MTMR3: variants seen among roughly 807,000 people sequenced by gnomAD.
MTMR3 encodes myotubularin related protein 3, also known as phosphatidylinositol-3,5-bisphosphate 3-phosphatase MTMR3.
In MTMR3, 32 loss-of-function variants were observed where a neutral mutation model predicts 132.4. The ratio of observed to expected loss-of-function variants is 0.24; its 90% confidence interval spans 0.18 to 0.32. MTMR3 has a LOEUF of 0.32. Ranked by LOEUF, MTMR3 falls within the 10% of genes least tolerant of loss-of-function variation. The pLI is 1.00. For missense variants in MTMR3, 1,216 were observed against 1,489.6 expected (o/e 0.82, Z 3.02); for synonymous variants, 556 against 550.3 (o/e 1.01, Z -0.14).
intron 1 of MTMR3, among the ~76,000 whole-genome samples, chr22:29,918,750 A>G (rs2065354358): frequency 2.0e-5 from 3 of 152,242 alleles, no homozygotes; most frequent in East Asian, 1.9e-4. Flanking sequence ...GGGTTTTATC[A>G]TAATCTGTCT....
intron 1 of MTMR3, among the ~76,000 whole-genome samples, chr22:29,934,252 G>A (rs1019002991): frequency 6.6e-6 from 1 of 152,156 alleles, no homozygotes; most frequent in Admixed American, 6.5e-5. Context: ...TACTCCGGAG[G>A]CTGACGCAGG....
intron 1 of MTMR3, among the ~76,000 whole-genome samples, chr22:29,921,379 A>G (rs1378697771): frequency 6.6e-6 from 1 of 152,138 alleles, no homozygotes. Context: ...TCATAACCAG[A>G]TATCTTCCAC....
At position 30,030,647 on chromosome 22, in the gene MTMR3, G is replaced by GTGGT. The variant is rs1555928370; in HGVS notation, c.*4846_*4847insTGGT. The GTGGT allele has an allele frequency of 1.4e-4, 11 of 76,358 alleles. 2 individuals carry two copies. The highest frequency in any genetic ancestry group is 3.5e-4 in the African/African-American group (7 of 20,264). 4.7% of individuals were successfully genotyped at this position (76,358 alleles called of 1,614,324 possible). A position where few individuals can be genotyped will look rare whatever the true frequency, so the allele number is the denominator to read the frequency against. Reference sequence around the variant, plus strand: ...CTCAGCGAGGAGGGGGCGGGGGGGGGGTCACTATTTATCTTCCAGAGGCAG... The same window carrying GTGGT: ...CTCAGCGAGGAGGGGGCGGGGGGGGGTGGTGTCACTATTTATCTTCCAGAGGCAG... On this transcript the variant is annotated 3_prime_UTR_variant, in exon 20 of 20. Coordinates refer to ENST00000401950, the MANE Select transcript of MTMR3 (RefSeq NM_021090.4).
intron 14 of MTMR3, 93 bp from the exon 15 acceptor site, chr22:30,016,435 T>C: frequency 7.1e-7 from 1 of 1,410,346 alleles, no homozygotes; most frequent in Non-Finnish European, 9.8e-7. Flanking sequence ...TGAAGTGTTC[T>C]CAGGGATGTT....
chr22:29,965,855 A>T (rs998135456), intron 2 of MTMR3, among the ~76,000 whole-genome samples: 1 of 151,980 alleles, frequency 6.6e-6, no homozygotes, highest in African/African-American at 2.4e-5. Context: ...TGCTTGTGAG[A>T]GTTTTTTCAG....
intron 1 of MTMR3, among the ~76,000 whole-genome samples, chr22:29,922,364 A>C (rs1484796659): frequency 6.6e-6 from 1 of 151,738 alleles, no homozygotes; most frequent in Non-Finnish European, 1.5e-5. Context: ...TCGTGTGTAG[A>C]CTCTACATTT....
chr22:29,954,237 A>C (rs1298928576), intron 1 of MTMR3, among the ~76,000 whole-genome samples: 1 of 151,672 alleles, frequency 6.6e-6, no homozygotes, highest in Non-Finnish European at 1.5e-5. Flanking sequence ...GTGTGCCACC[A>C]TGGCTGGCTA....
intron 1 of MTMR3, among the ~76,000 whole-genome samples, chr22:29,950,369 T>G (rs572983377): frequency 6.6e-6 from 1 of 151,704 alleles, no homozygotes; most frequent in African/African-American, 2.4e-5. Context: ...TTTTATTTAT[T>G]TTTTTATTTT....
At chr22:29,934,557 C>T (rs1399937114) in intron 1 of MTMR3, among the ~76,000 whole-genome samples, 7 of 152,226 alleles carry the variant, frequency 4.6e-5, no homozygotes, top group African/African-American at 1.7e-4. Flanking sequence ...CTAATGTGGT[C>T]TCTTTTCCTT....
At chr22:29,936,560 A>G (rs1176797977) in intron 1 of MTMR3, among the ~76,000 whole-genome samples, 1 of 151,694 alleles carries the variant, frequency 6.6e-6, no homozygotes, top group African/African-American at 2.4e-5. Context: ...ATTTGTTTCA[A>G]TGCTGAAATA....
intron 1 of MTMR3, among the ~76,000 whole-genome samples, chr22:29,932,446 A>C (rs2065664954): frequency 6.6e-6 from 1 of 152,190 alleles, no homozygotes; most frequent in South Asian, 2.1e-4. Context: ...TTAACAGGGT[A>C]CTAAATTGGT....
At chr22:29,894,079 A>G (rs1422001534) in intron 1 of MTMR3, among the ~76,000 whole-genome samples, 1 of 152,172 alleles carries the variant, frequency 6.6e-6, no homozygotes. Context: ...TCCTGACCGC[A>G]GGTGACCCGC....
chr22:30,012,374 A>G lies in MTMR3; in HGVS notation c.1128A>G (p.Leu376=), dbSNP rs758692711. 14 of 1,612,762 alleles carry G rather than the reference A, an allele frequency of 8.7e-6. No homozygotes were observed. The highest frequency in any genetic ancestry group is 2.7e-5 in the African/African-American group (2 of 74,872). Residue 376 remains leucine (L), a synonymous_variant, in exon 13 of 20, where the codon CTA becomes CTG. Transcript: ENST00000401950. ...TCCTCTCCTGTTTTTATAGTTGGCT[A>G]TCAGCTCTTGAAAGCACAAAATGGC... ...CTQMPDPGNW[L]SALESTKWLH... is the part of the protein sequence containing the mutation.
chr22:30,019,927 G>A lies in MTMR3; in HGVS notation c.2268G>A (p.Met756Ile). 2 of 1,614,230 alleles carry A rather than the reference G, an allele frequency of 1.2e-6. No homozygotes were observed. The highest frequency in any genetic ancestry group is 1.7e-6 in the Non-Finnish European group (2 of 1,180,052). Residue 756 changes from methionine to isoleucine, a missense_variant, in exon 17 of 20, where the codon ATG (methionine) becomes ATA (isoleucine). Around this residue, in one of 7 missense-constraint regions of MTMR3, gnomAD observed 852 missense variants for 852.0 expected, o/e 1.00. Transcript: ENST00000401950. ...GDAALRSHLD[M>I]SWPLFSQGIS... ...CTGCTCTGAGGAGCCATCTGGATAT[G>A]AGCTGGCCTCTGTTCTCACAGGGCA...
chr22:29,943,847 A>G (rs1355963724), intron 1 of MTMR3, among the ~76,000 whole-genome samples: 4 of 144,370 alleles, frequency 2.8e-5, no homozygotes, highest in African/African-American at 1.0e-4. Flanking sequence ...TTCTTGAGAC[A>G]AGGTCTGGCT....
At chr22:29,970,230 A>G (rs1444311876) in intron 2 of MTMR3, among the ~76,000 whole-genome samples, 1 of 152,202 alleles carries the variant, frequency 6.6e-6, no homozygotes, top group Non-Finnish European at 1.5e-5. Context: ...TTTTGCTCGT[A>G]AGTCAGTTTG....
intron 1 of MTMR3, among the ~76,000 whole-genome samples, chr22:29,888,658 T>C (rs2064727165): frequency 6.6e-6 from 1 of 152,190 alleles, no homozygotes. Flanking sequence ...GGTATTGTCT[T>C]GATGCTGATA....
intron 1 of MTMR3, among the ~76,000 whole-genome samples, chr22:29,890,906 T>TA (rs1430687417): frequency 2.0e-5 from 3 of 152,116 alleles, no homozygotes; most frequent in Admixed American, 2.0e-4. Flanking sequence ...CCCATCTACT[T>TA]AGTTGGCTGA....
At chr22:29,950,735 A>G (rs867501971) in intron 1 of MTMR3, among the ~76,000 whole-genome samples, 5 of 138,102 alleles carry the variant, frequency 3.6e-5, no homozygotes, top group Admixed American at 2.1e-4. Context: ...CTTAATTTCT[A>G]TAGTAAAATA....
Sources: gnomAD v4.1 joint callset for allele counts (sites outside exome capture counted in the v4.1 genomes callset) on GRCh38, gnomAD v4.1.1 for gene constraint, gnomAD v4.1.1 regional missense constraint, MANE v1.5 for transcripts, NCBI Gene and HGNC (gene_info 2026-07-23, HGNC 2026-07-21) for gene names.